The following SIMC1 variants were observed in gnomAD, a reference collection of about 807,000 sequenced individuals.
The protein encoded by SIMC1 is SUMO interacting motifs containing 1.
A neutral mutation model predicts 82.3 loss-of-function variants in SIMC1; 55 were observed. The ratio of observed to expected loss-of-function variants is 0.67; its 90% CI spans 0.54 to 0.84. The LOEUF (loss-of-function observed/expected upper bound fraction) is 0.84, where lower values mean the gene tolerates loss of function less well. Ranked by LOEUF, SIMC1 falls within the 40% of genes least tolerant of loss-of-function variation. SIMC1 has a pLI of 0.00. For missense variants in SIMC1, 915 were observed against 1,107.2 expected, an observed-to-expected ratio of 0.83 and a Z score of 2.46; for synonymous variants, 353 against 426.3, an observed-to-expected ratio of 0.83 and a Z score of 2.12.
At chr5:176,313,191 A>C in intron 4 of SIMC1, 2 of 906,544 alleles carry the variant, frequency 2.2e-6, no homozygotes, top group Non-Finnish European at 2.9e-6. Flanking sequence ...GTTCATCAGT[A>C]GAGTGGACAT....
At chr5:176,326,274 A>G (rs1765388580) in intron 7 of SIMC1, among the ~76,000 whole-genome samples, 1 of 152,168 alleles carries the variant, frequency 6.6e-6, no homozygotes, top group Admixed American at 6.5e-5. Flanking sequence ...GTCATGCCAA[A>G]TAGTACTGGA....
intron 2 of SIMC1, 138 bp downstream of exon 2, chr5:176,291,093 C>A (rs1209965654): frequency 1.7e-6 from 1 of 592,812 alleles, no homozygotes. Flanking sequence ...TTGTGAAGAC[C>A]CATTCAGTGT....
intron 7 of SIMC1, among the ~76,000 whole-genome samples, chr5:176,332,826 A>C (rs1765724247): frequency 6.6e-6 from 1 of 152,256 alleles, no homozygotes; most frequent in East Asian, 1.9e-4. Context: ...ACTATAGTAC[A>C]GTATCACAAC....
At chr5:176,271,926 TTATAA>T (rs1258136757) in intron 1 of SIMC1, among the ~76,000 whole-genome samples, 6 of 142,500 alleles carry the variant, frequency 4.2e-5, no homozygotes, top group Non-Finnish European at 7.6e-5. Context: ...GTATATTATA[TTATAA>T]TATATACTAT....
At chr5:176,338,963 A>G (rs1216610464) in intron 9 of SIMC1, among the ~76,000 whole-genome samples, 1 of 152,164 alleles carries the variant, frequency 6.6e-6, no homozygotes, top group East Asian at 1.9e-4. Flanking sequence ...AATGAGTGAA[A>G]AAAGTAATGT....
rs143629670 is a variant in SIMC1 at position 176,336,762 on chromosome 5, C to T, written c.2214C>T (p.Cys738=). ...FTTMESHLLR[C]KVLEIIFLHS... The stretch of plus-strand genomic sequence containing the variant: ...CCATGGAAAGCCACCTTCTGCGCTG[C>T]AAAGTGTTAGAAATCATATTCCTCC... Residue 738 remains cysteine, a synonymous_variant, in exon 8 of 10, where the codon TGC becomes TGT. Transcript: ENST00000429602. 5.0e-5 allele frequency: 81 copies of T among 1,614,034 alleles called. No individual in the cohort carries two copies. In the East Asian group the frequency reaches 1.3e-3, roughly 26 times the overall value.
intron 1 of SIMC1, among the ~76,000 whole-genome samples, chr5:176,246,686 A>T (rs557585396): frequency 6.6e-6 from 1 of 151,926 alleles, no homozygotes; most frequent in Non-Finnish European, 1.5e-5. Flanking sequence ...AGGTATACAC[A>T]TGCCATGGTG....
At chr5:176,323,232 G>A (rs1265458812) in intron 6 of SIMC1, among the ~76,000 whole-genome samples, 1 of 152,142 alleles carries the variant, frequency 6.6e-6, no homozygotes, top group Non-Finnish European at 1.5e-5. Context: ...GAACAATGAA[G>A]CATTTGGACA....
At chr5:176,310,665 A>G (rs902076464) in intron 4 of SIMC1, among the ~76,000 whole-genome samples, 16 of 152,224 alleles carry the variant, frequency 1.1e-4, no homozygotes, top group African/African-American at 3.9e-4. Flanking sequence ...TGGGGTATGT[A>G]TGACTATAAA....
At chr5:176,304,708 C>T (rs1581279234) in intron 4 of SIMC1, among the ~76,000 whole-genome samples, 4 of 150,174 alleles carry the variant, frequency 2.7e-5, no homozygotes, top group Admixed American at 2.6e-4. Flanking sequence ...TGAGGAGCGT[C>T]TCCGCCCGGC....
intron 4 of SIMC1, among the ~76,000 whole-genome samples, chr5:176,309,978 A>T (rs1466236114): frequency 1.3e-5 from 2 of 152,166 alleles, no homozygotes; most frequent in African/African-American, 4.8e-5. Flanking sequence ...CAAACAGTCC[A>T]ATTAGAAAAT....
intron 1 of SIMC1, among the ~76,000 whole-genome samples, chr5:176,277,513 A>C (rs1265525569): frequency 1.3e-5 from 2 of 151,958 alleles, no homozygotes; most frequent in Admixed American, 6.6e-5. Flanking sequence ...TTAGACGTGA[A>C]GTCCTTGCCC....
At chr5:176,327,525 C>G (rs1210273758) in intron 7 of SIMC1, among the ~76,000 whole-genome samples, 1 of 152,178 alleles carries the variant, frequency 6.6e-6, no homozygotes, top group African/African-American at 2.4e-5. Flanking sequence ...TACACAATCA[C>G]GTTGTCTAAA....
At chr5:176,247,216 C>T (rs1251998200) in intron 1 of SIMC1, among the ~76,000 whole-genome samples, 1 of 152,162 alleles carries the variant, frequency 6.6e-6, no homozygotes, top group Non-Finnish European at 1.5e-5. Context: ...CTAATTTACA[C>T]TCCCTCCAAC....
intron 1 of SIMC1, among the ~76,000 whole-genome samples, chr5:176,246,407 G>GGGGTGTGT (rs1313338461): frequency 1.5e-5 from 2 of 136,972 alleles, no homozygotes; most frequent in Non-Finnish European, 3.2e-5. Flanking sequence ...ATAGTTCAGG[G>GGGGTGTGT]GTGTGTGTGT....
At position 176,282,637 on chromosome 5, in the gene SIMC1, G is replaced by A. The variant is rs1345243836; in HGVS notation, c.130-7017G>A. ...AGTGCCTCTTCTCCTCCAAAGGAAT[G>A]CAGCTCCTCGCCAGCAACAGAGCAA... On this transcript the variant is annotated intron_variant, in intron 1 of 9. Coordinates refer to ENST00000429602, the MANE Select transcript of SIMC1 (RefSeq NM_001308195.2). Among the ~76,000 whole-genome samples the A allele has an allele frequency of 2.6e-5, 4 of 152,228 alleles. No individual in the cohort carries two copies. In the East Asian group the frequency reaches 7.7e-4, roughly 29 times the overall value.
At chr5:176,323,294 C>A (rs1765241400) in intron 6 of SIMC1, among the ~76,000 whole-genome samples, 1 of 151,990 alleles carries the variant, frequency 6.6e-6, no homozygotes, top group Non-Finnish European at 1.5e-5. Context: ...ACATACAGAC[C>A]CAAGAGGGAG....
chr5:176,241,605 C>T (rs1313779403), intron 1 of SIMC1, among the ~76,000 whole-genome samples: 5 of 151,900 alleles, frequency 3.3e-5, no homozygotes, highest in Admixed American at 2.0e-4. Context: ...GTTGCTAACC[C>T]CCCCGTGCAG....
chr5:176,338,887 T>C (rs1415040208), intron 9 of SIMC1, among the ~76,000 whole-genome samples: 1 of 152,132 alleles, frequency 6.6e-6, no homozygotes, highest in Non-Finnish European at 1.5e-5. Flanking sequence ...GCTAACTGTG[T>C]CTCTAGGCCT....
Sources: gnomAD v4.1 joint callset for allele counts (sites outside exome capture counted in the v4.1 genomes callset) on GRCh38, gnomAD v4.1.1 for gene constraint, MANE v1.5 for transcripts, NCBI Gene and HGNC (gene_info 2026-07-23, HGNC 2026-07-21) for gene names.